PAX7: variants seen among roughly 807,000 people sequenced by gnomAD.
PAX7 encodes the protein paired box 7.
In PAX7, 18 loss-of-function variants were observed where a neutral mutation model predicts 50.7. That is an observed-to-expected ratio of 0.36 (90% CI 0.25 to 0.53). The LOEUF (loss-of-function observed/expected upper bound fraction) is 0.53. Ranked by LOEUF, PAX7 falls within the 20% of genes least tolerant of loss-of-function variation. PAX7 has a pLI of 0.93. For synonymous variants in PAX7, 310 were observed against 290.4 expected (o/e 1.07, Z -0.69); for missense variants, 644 against 702.9 (o/e 0.92, Z 0.95).
In PAX7 at chr1:18,636,406, C is replaced by G; in HGVS notation, c.586+35C>G. 1 of 1,604,038 alleles carries G rather than the reference C, an allele frequency of 6.2e-7. No homozygotes were observed. The highest frequency in any genetic ancestry group is 8.5e-7 in the Non-Finnish European group (1 of 1,173,596). Reference sequence around the variant, plus strand: ...TTCCCTGGGCTGCGAGGCCCCAGCCCGGGTTTTCCCACGCTCCGGTGTGCG... The same window carrying G: ...TTCCCTGGGCTGCGAGGCCCCAGCCGGGGTTTTCCCACGCTCCGGTGTGCG... On this transcript the variant is annotated intron_variant, in intron 4 of 8. Coordinates refer to ENST00000420770, the MANE Select transcript of PAX7 (RefSeq NM_001135254.2). This position sits in a 1 kb window ranked among gnomAD's most constrained non-coding sequence, Gnocchi z 5.1.
At chr1:18,704,715 C>A (rs975425191) in intron 7 of PAX7, among the ~76,000 whole-genome samples, 10 of 149,272 alleles carry the variant, frequency 6.7e-5, no homozygotes, top group Non-Finnish European at 1.5e-4. Flanking sequence ...AAAAAAAAAA[C>A]AAACCTTTGT....
At chr1:18,706,194 T>C (rs2089280794) in intron 7 of PAX7, among the ~76,000 whole-genome samples, 3 of 151,814 alleles carry the variant, frequency 2.0e-5, no homozygotes, top group Admixed American at 2.0e-4. Flanking sequence ...TCCTGGGAGG[T>C]GTGGGGCCAG....
chr1:18,674,162 G>T (rs1245465642), intron 4 of PAX7, among the ~76,000 whole-genome samples: 2 of 152,202 alleles, frequency 1.3e-5, no homozygotes, highest in South Asian at 2.1e-4. Context: ...ATTACCATGG[G>T]CCAGGCCCTC....
intron 7 of PAX7, among the ~76,000 whole-genome samples, chr1:18,724,654 C>T (rs144641951): frequency 5.9e-5 from 9 of 152,282 alleles, no homozygotes; most frequent in African/African-American, 1.7e-4. Context: ...GAAACAGAAC[C>T]GACTCTATTT....
chr1:18,668,848 G>A (rs2088703550), intron 4 of PAX7, among the ~76,000 whole-genome samples: 3 of 152,244 alleles, frequency 2.0e-5, no homozygotes, highest in Admixed American at 1.3e-4. Context: ...TTCCCAAGAG[G>A]AGGGCTGCCT....
In PAX7 at chr1:18,700,077, CGTGTGT is replaced by C. The variant is rs66600721; in HGVS notation, c.787-541_787-536del. The stretch of plus-strand genomic sequence containing the variant: ...TTATCCCACTAATGTTTGATAAATC[CGTGTGT>C]GTGTGTGTGTGTGTGTGTGTGTGTG... On this transcript the variant is annotated intron_variant, in intron 5 of 8. Transcript: ENST00000420770. This position sits in a 1 kb window ranked among gnomAD's most constrained non-coding sequence, Gnocchi z 4.8. Among the ~76,000 whole-genome samples the C allele has an allele frequency of 0.033, 4,748 of 145,736 alleles. 175 individuals are homozygous for C. Among genetic ancestry groups the C allele is most frequent in the Admixed American group, 0.1 (1,510 of 14,600 alleles).
intron 4 of PAX7, among the ~76,000 whole-genome samples, chr1:18,680,456 A>G (rs932141441): frequency 2.6e-5 from 4 of 152,170 alleles, no homozygotes; most frequent in Non-Finnish European, 4.4e-5. Context: ...CTGGGAGCTC[A>G]GCCTCCATCT....
chr1:18,669,917 C>T (rs773056782), intron 4 of PAX7, among the ~76,000 whole-genome samples: 63 of 152,182 alleles, frequency 4.1e-4, no homozygotes, highest in South Asian at 1.9e-3. Context: ...AACCCCGTCT[C>T]TACTAAAAAT....
Position 18,745,387 on chromosome 1 carries a change from T to C in PAX7, c.*458T>C. On this transcript the variant is annotated 3_prime_UTR_variant, in exon 9 of 9. Transcript: ENST00000420770. ...AGCTGGATGTACTGGGAGCCAGCCC[T>C]GCAAGGAGGGTCTCTGGCTCAGTGT... 1 of 243,316 alleles carries C rather than the reference T, an allele frequency of 4.1e-6. No individual in the cohort carries two copies. The allele number at this position is 243,316 out of a possible 1,614,324, so 15.1% of individuals were successfully genotyped here.
chr1:18,641,561 G>T (rs1042392051), intron 4 of PAX7, among the ~76,000 whole-genome samples: 3 of 152,210 alleles, frequency 2.0e-5, no homozygotes, highest in African/African-American at 7.2e-5. Flanking sequence ...CTCGGGGCAC[G>T]CACCGCCACA....
At chr1:18,724,202 C>T (rs956597685) in intron 7 of PAX7, among the ~76,000 whole-genome samples, 9 of 151,948 alleles carry the variant, frequency 5.9e-5, no homozygotes, top group Non-Finnish European at 1.3e-4. Context: ...GCTGGCTGGG[C>T]CCCACTCCAC....
chr1:18,709,749 G>T (rs184759961), intron 7 of PAX7, among the ~76,000 whole-genome samples: 66 of 152,294 alleles, frequency 4.3e-4, no homozygotes, highest in African/African-American at 1.5e-3. Flanking sequence ...CTAGGATCTG[G>T]CAAGTGGCAG....
chr1:18,723,984 G>A (rs1341810955), intron 7 of PAX7, among the ~76,000 whole-genome samples: 5 of 152,130 alleles, frequency 3.3e-5, no homozygotes, highest in Middle Eastern at 3.4e-3. Context: ...AGATATTAAC[G>A]CTGTCAAGAG....
chr1:18,738,440 G>A (rs570392643), intron 8 of PAX7, among the ~76,000 whole-genome samples: 2 of 152,162 alleles, frequency 1.3e-5, no homozygotes, highest in Non-Finnish European at 2.9e-5. Flanking sequence ...CATGGGGGCA[G>A]CAGGGGAGGG....
chr1:18,633,845 C>T (rs749660021), intron 1 of PAX7, among the ~76,000 whole-genome samples: 3 of 152,240 alleles, frequency 2.0e-5, no homozygotes, highest in Non-Finnish European at 4.4e-5. Context: ...ACATCACACC[C>T]GTTATTGGCC....
At chr1:18,709,391 T>C (rs2089322649) in intron 7 of PAX7, among the ~76,000 whole-genome samples, 1 of 152,200 alleles carries the variant, frequency 6.6e-6, no homozygotes, top group Non-Finnish European at 1.5e-5. Context: ...ATTTACAATT[T>C]CCCCACACAC....
At position 18,700,222 on chromosome 1, in the gene PAX7, G is replaced by C. The variant is rs1173829033; in HGVS notation, c.787-431G>C. 6.6e-6 allele frequency among the ~76,000 whole-genome samples: 1 copy of C among 151,992 alleles called. No individual in the cohort carries two copies. The highest frequency in any genetic ancestry group is 1.5e-5 in the Non-Finnish European group (1 of 67,988). Reference sequence around the variant, plus strand: ...GGGTCTGAAGTGCAGGTCTCATTCAGGTGGGTTGCAGATGCGTGGCTTCCT... The same window carrying C: ...GGGTCTGAAGTGCAGGTCTCATTCACGTGGGTTGCAGATGCGTGGCTTCCT... On this transcript the variant is annotated intron_variant, in intron 5 of 8. Coordinates refer to ENST00000420770, the MANE Select transcript of PAX7 (RefSeq NM_001135254.2). The surrounding 1 kb of genome is among the most constrained non-coding windows in gnomAD (Gnocchi z 4.8).
intron 4 of PAX7, among the ~76,000 whole-genome samples, chr1:18,650,042 G>A (rs1402479293): frequency 1.3e-5 from 2 of 152,178 alleles, no homozygotes; most frequent in Non-Finnish European, 2.9e-5. Flanking sequence ...TGAAAAAACA[G>A]CCTGTTTCCC....
intron 8 of PAX7, among the ~76,000 whole-genome samples, chr1:18,736,310 C>T (rs1225947820): frequency 1.3e-5 from 2 of 151,692 alleles, no homozygotes; most frequent in South Asian, 2.1e-4. Flanking sequence ...ACTAAAAATA[C>T]AAAAATTAGC....
Sources: gnomAD v4.1 joint callset for allele counts (sites outside exome capture counted in the v4.1 genomes callset) on GRCh38, gnomAD v4.1.1 for gene constraint, Gnocchi (gnomAD v3.1) non-coding constraint, MANE v1.5 for transcripts, NCBI Gene and HGNC (gene_info 2026-07-23, HGNC 2026-07-21) for gene names.